Variants in SRPK3 observed in about 807,000 individuals in gnomAD.
The protein encoded by SRPK3 is SRSF protein kinase 3.
Under a neutral mutation model 45.3 loss-of-function variants are expected in SRPK3, and 26 were observed. That is an observed-to-expected ratio of 0.57 (90% confidence interval 0.42 to 0.80). The LOEUF is 0.80. SRPK3 is among the 30% of genes least tolerant of loss of function. SRPK3 has a pLI of 0.00. For missense variants in SRPK3, 536 were observed against 514.5 expected, an observed-to-expected ratio of 1.04 and a Z score of -0.40; for synonymous variants, 254 against 226.6, an observed-to-expected ratio of 1.12 and a Z score of -1.09.
chrX:153,784,865 C>T lies in SRPK3; in HGVS notation c.1356+8C>T, dbSNP rs782676842. 8.3e-6 allele frequency: 10 copies of T among 1,210,239 alleles called. No individual in the cohort carries two copies. The highest frequency in any genetic ancestry group is 3.5e-5 in the South Asian group (2 of 56,922). ...TGGAGCACAGCCTGCATGGTACGCC[C>T]GCCCGGGCTGCCCTGTGCCCAGGGC... On this transcript the variant is annotated splice_region_variant and intron_variant, in intron 12 of 14. Coordinates refer to ENST00000370101, the MANE Select transcript of SRPK3 (RefSeq NM_014370.4).
chrX:153,784,343 T>C lies in SRPK3; in HGVS notation c.1197T>C (p.Asn399=), dbSNP rs1603254201. ...TGGTGAACCCCCTGGAGCCCCAAAA[T>C]GCAGATAAGATCAAGATCAAGATCG... is the stretch of plus-strand genomic sequence containing the variant. The part of the protein sequence containing the change: ...NLLVNPLEPQ[N]ADKIKIKIAD... Residue 399 remains asparagine, a synonymous_variant, in exon 11 of 15, where the codon AAT becomes AAC. Coordinates refer to ENST00000370101, the MANE Select transcript of SRPK3 (RefSeq NM_014370.4). The C allele has an allele frequency of 1.7e-6, 2 of 1,211,320 alleles. No individual in the cohort carries two copies. The highest frequency in any genetic ancestry group is 1.1e-6 in the Non-Finnish European group (1 of 895,525).
intron 9 of SRPK3, 34 bp downstream of exon 9, chrX:153,783,918 C>T (rs781903361): frequency 1.2e-5 from 14 of 1,192,160 alleles, no homozygotes; most frequent in South Asian, 7.3e-5. Flanking sequence ...GGCCGTGGAG[C>T]GCAGCAAAGG....
Position 153,781,263 on chromosome X carries a change from T to G in SRPK3, c.107T>G (p.Leu36Arg). 3 of 1,209,754 alleles carry G rather than the reference T, an allele frequency of 2.5e-6. No homozygotes were observed. The highest frequency in any genetic ancestry group is 3.4e-6 in the Non-Finnish European group (3 of 894,853). Residue 36 changes from leucine to arginine, a missense_variant, in exon 2 of 15, where the codon CTG (leucine) becomes CGG (arginine). Coordinates refer to ENST00000370101, the MANE Select transcript of SRPK3 (RefSeq NM_014370.4). ...GAGTCCTCGGGCTCCGAACTAGCCC[T>G]GGCCACACCGGTGCCTCAGATGCTG... Reference protein sequence around the residue: ...GPESSGSELALATPVPQMLQG... With the variant: ...GPESSGSELARATPVPQMLQG...
chrX:153,783,368 C>G (rs2092064204), intron 8 of SRPK3, 117 bp downstream of exon 8: 2 of 533,272 alleles, frequency 3.8e-6, no homozygotes, highest in African/African-American at 4.7e-5. Flanking sequence ...CGGTGGTAAT[C>G]CCGAAAGGCT....
Position 153,784,979 on chromosome X carries a change from G to T in SRPK3, c.1402G>T (p.Gly468Ter). 8.3e-7 allele frequency: 1 copy of T among 1,211,392 alleles called. No individual in the cohort carries two copies. ...TGACTACCTGTTCGAGCCGCATTCTGGAGAAGACTACAGTCGTGATGAGGG... is the reference window on the plus strand; with the variant it reads ...TGACTACCTGTTCGAGCCGCATTCTTGAGAAGACTACAGTCGTGATGAGGG... ...TGDYLFEPHSGEDYSRDEDHI... is the reference protein window; with the variant it reads ...TGDYLFEPHS The change falls in exon 13 of 15, where the codon GGA becomes TGA. Residue 468 changes from glycine to a stop codon, truncating the protein, a stop_gained. Transcript: ENST00000370101. LOFTEE classifies it high-confidence loss of function.
Position 153,781,357 on chromosome X carries a change from G to A in SRPK3, c.190+11G>A. ...AAGACTACTGCAAGGGTGAGACTTG[G>A]CCTTGGGGACATGCGGCCTCACGGC... On this transcript the variant is annotated intron_variant, in intron 2 of 14. Coordinates refer to ENST00000370101, the MANE Select transcript of SRPK3 (RefSeq NM_014370.4). 2.5e-6 allele frequency: 3 copies of A among 1,183,285 alleles called. No homozygotes were observed. Among genetic ancestry groups the A allele is most frequent in the Non-Finnish European group, 2.3e-6 (2 of 879,877 alleles).
intron 5 of SRPK3, 59 bp downstream of exon 5, chrX:153,782,267 C>G (rs781861758): frequency 7.9e-5 from 80 of 1,016,203 alleles, no homozygotes; most frequent in Non-Finnish European, 1.1e-4. Flanking sequence ...AATGGGGGGG[C>G]CCTCGCTGCT....
rs2092048233 is a variant in SRPK3 at position 153,781,137 on chromosome X, T to C, written c.51T>C (p.Ser17=). 4 of 1,157,015 alleles carry C rather than the reference T, an allele frequency of 3.5e-6. No individual in the cohort carries two copies. Among genetic ancestry groups the C allele is most frequent in the Non-Finnish European group, 3.5e-6 (3 of 869,157 alleles). ...GGGDSGGSGG[S]SSSSQASCGP... ...GGGACAGCGGCGGCAGCGGCGGCAG[T>C]AGCAGCAGGTAGGGCTCGGCTGGGG... Residue 17 remains serine, a synonymous_variant, in exon 1 of 15, where the codon AGT becomes AGC. Transcript: ENST00000370101.
At chrX:153,781,477 C>T (rs1557066828) in intron 2 of SRPK3, 28 bp from the exon 3 acceptor site, 1 of 1,197,268 alleles carries the variant, frequency 8.4e-7, no homozygotes, top group East Asian at 3.0e-5. Context: ...GAACCCCCTC[C>T]ACCCCAATCT....
chrX:153,784,636 C>A, intron 11 of SRPK3, 114 bp from the exon 12 acceptor site: 2 of 949,902 alleles, frequency 2.1e-6, no homozygotes, highest in East Asian at 6.2e-5. Flanking sequence ...GACCCCGAGG[C>A]TCACAGCAAA....
chrX:153,784,982 G>A lies in SRPK3; in HGVS notation c.1405G>A (p.Glu469Lys), dbSNP rs782553682. The A allele has an allele frequency of 1.7e-6, 2 of 1,211,340 alleles. No homozygotes were observed. The highest frequency in any genetic ancestry group is 2.2e-6 in the Non-Finnish European group (2 of 895,352). The stretch of plus-strand genomic sequence containing the variant: ...CTACCTGTTCGAGCCGCATTCTGGA[G>A]AAGACTACAGTCGTGATGAGGGTAA... ...GDYLFEPHSG[E>K]DYSRDEDHIA... Residue 469 changes from glutamate (E) to lysine (K), a missense_variant, in exon 13 of 15, where the codon GAA becomes AAA. Glu to Lys is a moderately conservative substitution (Grantham distance 56). Transcript: ENST00000370101.
chrX:153,782,448 CACTGCCTTCCCTTTGGGGG>C (rs2148439443), intron 5 of SRPK3, among the ~76,000 whole-genome samples: 1 of 113,610 alleles, frequency 8.8e-6, no homozygotes, highest in East Asian at 2.8e-4. Flanking sequence ...GTCTCTGTGG[CACTGCCTTCCCTTTGGGGG>C]ACTGCCAAGA....
chrX:153,781,735 T>TA lies in SRPK3; in HGVS notation c.300-7dup. The TA allele has an allele frequency of 2.5e-6, 3 of 1,210,713 alleles. No individual in the cohort carries two copies. The highest frequency in any genetic ancestry group is 3.4e-6 in the Non-Finnish European group (3 of 895,071). On this transcript the variant is annotated splice_region_variant and splice_polypyrimidine_tract_variant and intron_variant, in intron 3 of 14. Transcript: ENST00000370101. ...GGGCCACAGCCTACAAGGGTCTCGG[T>TA]ATTGCAGGCGCAAGCGCTTTGTGGC...
chrX:153,784,812 C>T lies in SRPK3; in HGVS notation c.1311C>T (p.Gly437=), dbSNP rs782398607. 1.3e-5 allele frequency: 16 copies of T among 1,211,401 alleles called. No individual in the cohort carries two copies. The South Asian group carries it at 1.9e-4, about 15-fold the overall frequency. ...ACCGGGCCGTCGAGGTGCTGATCGG[C>T]GCCGAATACGGCCCCCCGGCAGACA... ...RQYRAVEVLI[G]AEYGPPADIW... Residue 437 remains glycine (G), a synonymous_variant, in exon 12 of 15, where the codon GGC becomes GGT. Coordinates refer to ENST00000370101, the MANE Select transcript of SRPK3 (RefSeq NM_014370.4).
chrX:153,783,048 C>T lies in SRPK3; in HGVS notation c.678C>T (p.Tyr226=), dbSNP rs1190215769. ...TCTTGCTGTGTGTGGGGGACGCTTA[C>T]ATCAGGCGCCTGGCTGCCGAGGCCA... ...ENILLCVGDA[Y]IRRLAAEATE... is the part of the protein sequence containing the mutation. Residue 226 remains tyrosine, a synonymous_variant, in exon 7 of 15, where the codon TAC becomes TAT. Transcript: ENST00000370101. 2 of 1,179,420 alleles carry T rather than the reference C, an allele frequency of 1.7e-6. No homozygotes were observed. Among genetic ancestry groups the T allele is most frequent in the Non-Finnish European group, 2.3e-6 (2 of 879,229 alleles).
chrX:153,784,259 G>C (rs782173269), intron 10 of SRPK3, 35 bp from the exon 11 acceptor site: 18 of 1,209,314 alleles, frequency 1.5e-5, no homozygotes, highest in Non-Finnish European at 2.0e-5. Context: ...GGCAGTAGTC[G>C]GACCACTTCA....
rs1333619467 is a variant in SRPK3, at chrX:153,781,114, GA to G, written c.29del (p.Asp10AlafsTer25). ...GAGCGCCAGCACGGGCGGTGGTGGG[GA>G]CAGCGGCGGCAGCGGCGGCAGTAGC... The part of the protein sequence containing the change: MSASTGGGG[D>X]SGGSGGSSSS... On this transcript the variant is annotated frameshift_variant, in exon 1 of 15. Transcript: ENST00000370101. LOFTEE classifies it high-confidence loss of function. 1 of 1,146,390 alleles carries G rather than the reference GA, an allele frequency of 8.7e-7. No homozygotes were observed. The highest frequency in any genetic ancestry group is 1.2e-6 in the Non-Finnish European group (1 of 864,847). 94.5% of individuals were successfully genotyped at this position (1,146,390 alleles called of 1,213,427 possible).
intron 11 of SRPK3, 105 bp downstream of exon 11, chrX:153,784,499 G>A (rs782006055): frequency 1.1e-4 from 104 of 942,032 alleles, no homozygotes; most frequent in Non-Finnish European, 1.4e-4. Flanking sequence ...CACGTGAACC[G>A]TCGGCTGGGT....
Position 153,782,326 on chromosome X carries a change from C to T in SRPK3, c.475+118C>T, listed in dbSNP as rs974481326. Reference sequence around the variant, plus strand: ...AATGGGCTTGCATCCCTCCCAGTAACGGGAGCCTCTGGCACGACCCCGCCC... The same window carrying T: ...AATGGGCTTGCATCCCTCCCAGTAATGGGAGCCTCTGGCACGACCCCGCCC... On this transcript the variant is annotated intron_variant, in intron 5 of 14. Coordinates refer to ENST00000370101, the MANE Select transcript of SRPK3 (RefSeq NM_014370.4). 105 of 617,908 alleles carry T rather than the reference C, an allele frequency of 1.7e-4. 1 individual carries two copies. In the African/African-American group the frequency reaches 2.0e-3, roughly 11 times the overall value. The allele number at this position is 617,908 out of a possible 1,213,427, so 50.9% of individuals were successfully genotyped here.
Sources: gnomAD v4.1 joint callset for allele counts (sites outside exome capture counted in the v4.1 genomes callset) on GRCh38, gnomAD v4.1.1 for gene constraint, MANE v1.5 for transcripts, NCBI Gene and HGNC (gene_info 2026-07-23, HGNC 2026-07-21) for gene names.